Variants in PRKCH observed in about 807,000 individuals in gnomAD.
PRKCH encodes protein kinase C eta.
A neutral mutation model predicts 82.5 loss-of-function variants in PRKCH; 28 were observed. The observed-to-expected ratio is 0.34, with a 90% CI of 0.25 to 0.47. The LOEUF is 0.47. Among genes scored for constraint, PRKCH ranks in the 20% least tolerant of loss-of-function variants. The pLI, the probability that PRKCH is intolerant of heterozygous loss-of-function variation, is 1.00. For synonymous variants in PRKCH, 322 were observed against 327.4 expected (o/e 0.98, Z 0.18); for missense variants, 705 against 881.8 (o/e 0.80, Z 2.54).
At chr14:61,549,549 C>A in intron 13 of PRKCH, 136 bp from the exon 14 acceptor site, 1 of 991,930 alleles carries the variant, frequency 1.0e-6, no homozygotes, top group Non-Finnish European at 1.5e-6. Flanking sequence ...TTCATCATAA[C>A]AATAACTGTA....
chr14:61,276,989 G>A (rs1256551613), intron 1 of PRKCH, among the ~76,000 whole-genome samples: 1 of 152,084 alleles, frequency 6.6e-6, no homozygotes, highest in Non-Finnish European at 1.5e-5. Flanking sequence ...GTCAAGACCA[G>A]CCTGACCAAC....
At chr14:61,458,081 CAGG>C (rs1207250042) in intron 9 of PRKCH, among the ~76,000 whole-genome samples, 1 of 152,192 alleles carries the variant, frequency 6.6e-6, no homozygotes, top group Non-Finnish European at 1.5e-5. Context: ...GACCTGGGCA[CAGG>C]AGTTTAGAAG....
intron 9 of PRKCH, among the ~76,000 whole-genome samples, chr14:61,462,279 A>G (rs1301049998): frequency 2.0e-5 from 3 of 151,996 alleles, no homozygotes; most frequent in South Asian, 2.1e-4. Flanking sequence ...AATTCCACCT[A>G]CTCCAGAGGC....
chr14:61,309,215 G>A (rs1173050310), intron 1 of PRKCH, among the ~76,000 whole-genome samples: 2 of 152,098 alleles, frequency 1.3e-5, no homozygotes, highest in Non-Finnish European at 2.9e-5. Context: ...CTGGGAGGTC[G>A]AGGCTGCAGT....
chr14:61,337,145 T>A (rs2045869370), intron 1 of PRKCH, among the ~76,000 whole-genome samples: 1 of 127,850 alleles, frequency 7.8e-6, no homozygotes, highest in Admixed American at 7.7e-5. Context: ...CAACAATTTT[T>A]TTTTTTTTTT....
At chr14:61,448,803 G>A (rs1236320759) in intron 4 of PRKCH, among the ~76,000 whole-genome samples, 1 of 152,178 alleles carries the variant, frequency 6.6e-6, no homozygotes, top group Non-Finnish European at 1.5e-5. Flanking sequence ...CCTCTGGAGG[G>A]CCTGGAACCT....
chr14:61,451,169 A>G (rs1158650519), intron 6 of PRKCH, among the ~76,000 whole-genome samples, 198 bp downstream of exon 6: 1 of 152,228 alleles, frequency 6.6e-6, no homozygotes, highest in African/African-American at 2.4e-5. Context: ...ACATTTTCTA[A>G]TCATAGGACA....
intron 9 of PRKCH, among the ~76,000 whole-genome samples, chr14:61,483,844 C>T (rs113362177): frequency 0.018 from 2,772 of 152,198 alleles, 83 homozygotes; most frequent in African/African-American, 0.061. Flanking sequence ...GCTCAGGACT[C>T]GAGACCAGCC....
At chr14:61,210,774 CTCTCTCTCTCTCTCTCTGTGTG>C (rs2044569845) in intron 1 of PRKCH, among the ~76,000 whole-genome samples, 1 of 110,810 alleles carries the variant, frequency 9.0e-6, no homozygotes, top group African/African-American at 2.9e-5. Context: ...CTCTCTCTCT[CTCTCTCTCTCTCTCTCTGTGTG>C]TGTGTGTGTG....
intron 2 of PRKCH, among the ~76,000 whole-genome samples, chr14:61,405,755 T>C (rs1241970092): frequency 6.6e-6 from 1 of 152,148 alleles, no homozygotes; most frequent in Non-Finnish European, 1.5e-5. Flanking sequence ...AGATCTCTAC[T>C]AAATAACTGG....
chr14:61,547,952 C>T (rs1249454740), intron 13 of PRKCH, 66 bp downstream of exon 13: 9 of 1,569,848 alleles, frequency 5.7e-6, no homozygotes, highest in African/African-American at 5.4e-5. Flanking sequence ...CACCAAAGTC[C>T]GTAGAAGAGC....
At chr14:61,323,432 C>G (rs2045656911) in intron 1 of PRKCH, among the ~76,000 whole-genome samples, 1 of 152,172 alleles carries the variant, frequency 6.6e-6, no homozygotes, top group Non-Finnish European at 1.5e-5. Context: ...TCTGGTTTGG[C>G]AAAGTGGAGT....
chr14:61,407,942 C>A (rs567187414), intron 2 of PRKCH, among the ~76,000 whole-genome samples: 15 of 152,300 alleles, frequency 9.8e-5, no homozygotes, highest in Non-Finnish European at 1.9e-4. Flanking sequence ...GGGCAGGGTT[C>A]TCCAGTGTCC....
rs2051183254 is a variant in PRKCH, at chr14:61,210,812, G to GCGCA, written c.-19+23144_-19+23145insCGCA. On this transcript the variant is annotated intron_variant, in intron 1 of 3. Transcript: ENST00000555185. Reference sequence around the variant, plus strand: ...TCTCTGTGTGTGTGTGTGTGTGTGTGTGCGTGCACGCGTGCATTCCATATT... The same window carrying GCGCA: ...TCTCTGTGTGTGTGTGTGTGTGTGTGCGCATGCGTGCACGCGTGCATTCCATATT... Among the ~76,000 whole-genome samples the GCGCA allele has an allele frequency of 2.6e-5, 4 of 151,690 alleles. No homozygotes were observed. In the South Asian group the frequency reaches 8.6e-4, roughly 32 times the overall value.
chr14:61,425,319 G>T (rs1473103245), intron 2 of PRKCH, among the ~76,000 whole-genome samples: 4 of 152,170 alleles, frequency 2.6e-5, no homozygotes, highest in African/African-American at 9.7e-5. Flanking sequence ...GCCAGGAGGG[G>T]GATATACCCT....
Position 61,485,593 on chromosome 14 carries a change from G to C in PRKCH, c.1370G>C (p.Arg457Pro). Reference sequence around the variant, plus strand: ...CGTCGTTTTGATGAAGCACGAGCTCGCTTCTATGCTGCAGAAATCATTTCG... The same window carrying C: ...CGTCGTTTTGATGAAGCACGAGCTCCCTTCTATGCTGCAGAAATCATTTCG... Reference protein sequence around the residue: ...KSRRFDEARARFYAAEIISAL... With the variant: ...KSRRFDEARAPFYAAEIISAL... Residue 457 changes from arginine to proline, a missense_variant, in exon 10 of 14, where the codon CGC (arginine) becomes CCC (proline). Around this residue, in one of 5 missense-constraint regions of PRKCH, gnomAD observed 238 missense variants for 258.1 expected, o/e 0.92. Transcript: ENST00000332981. 1 of 1,614,140 alleles carries C rather than the reference G, an allele frequency of 6.2e-7. No homozygotes were observed. Among genetic ancestry groups the C allele is most frequent in the Non-Finnish European group, 8.5e-7 (1 of 1,180,022 alleles).
intron 3 of PRKCH, among the ~76,000 whole-genome samples, chr14:61,443,859 G>A (rs1029095236): frequency 1.3e-5 from 2 of 152,104 alleles, no homozygotes; most frequent in African/African-American, 2.4e-5. Flanking sequence ...AGTCTCAGTG[G>A]CAAATGTAAA....
At chr14:61,233,698 C>T (rs747945876) in intron 1 of PRKCH, among the ~76,000 whole-genome samples, 8 of 152,262 alleles carry the variant, frequency 5.3e-5, no homozygotes, top group African/African-American at 1.7e-4. Flanking sequence ...ATCACGAGAT[C>T]TGATGGTTTT....
chr14:61,239,058 TCAGA>T (rs1156622860), intron 1 of PRKCH, among the ~76,000 whole-genome samples: 1 of 152,182 alleles, frequency 6.6e-6, no homozygotes, highest in East Asian at 1.9e-4. Flanking sequence ...ATCTCCCTCC[TCAGA>T]GTAAACAGAC....
Sources: allele counts gnomAD v4.1 joint callset (sites outside exome capture counted in the v4.1 genomes callset), GRCh38; gene constraint gnomAD v4.1.1; regional missense constraint gnomAD v4.1.1; transcripts MANE v1.5; gene names NCBI Gene and HGNC (gene_info 2026-07-23, HGNC 2026-07-21).